SEL1L2: variants seen among roughly 807,000 people sequenced by gnomAD.
SEL1L2 encodes the protein protein sel-1 homolog 2.
A neutral mutation model predicts 98.8 loss-of-function variants in SEL1L2; 89 were observed. That is an observed-to-expected ratio of 0.90 (90% CI 0.76 to 1.07). The LOEUF (loss-of-function observed/expected upper bound fraction) is 1.07, where lower values mean the gene tolerates loss of function less well. Among genes scored for constraint, SEL1L2 ranks in the 50% least tolerant of loss-of-function variants. The pLI is 0.00. For missense variants in SEL1L2, 788 were observed against 812.0 expected (o/e 0.97, Z 0.36); for synonymous variants, 262 against 278.5 (o/e 0.94, Z 0.59).
At chr20:13,945,975 T>G (rs2049988782) in intron 2 of SEL1L2, among the ~76,000 whole-genome samples, 1 of 152,166 alleles carries the variant, frequency 6.6e-6, no homozygotes, top group Non-Finnish European at 1.5e-5. Context: ...AAGGGTTACA[T>G]ACTCCATGGT....
chr20:13,913,285 G>A (rs1163843726), intron 5 of SEL1L2, among the ~76,000 whole-genome samples: 2 of 152,200 alleles, frequency 1.3e-5, no homozygotes, highest in African/African-American at 4.8e-5. Flanking sequence ...ATTGCATTGT[G>A]ATTAGGATGA....
chr20:13,937,642 A>T (rs2049521872), intron 2 of SEL1L2, among the ~76,000 whole-genome samples: 1 of 152,224 alleles, frequency 6.6e-6, no homozygotes, highest in African/African-American at 2.4e-5. Context: ...ATTCTGCAAC[A>T]GTAGCTCACT....
Position 13,989,000 on chromosome 20 carries a change from C to T in SEL1L2, c.58+1477G>A, listed in dbSNP as rs190610293. Among the ~76,000 whole-genome samples the T allele has an allele frequency of 4.2e-4, 64 of 152,052 alleles. No homozygotes were observed. The East Asian group carries it at 0.01, about 24-fold the overall frequency. The stretch of plus-strand genomic sequence containing the variant: ...TGCACTCCAGCCTGGGCAACAAGAG[C>T]GAAACTCCATCTCAAAATAAATAAA... On this transcript the variant is annotated intron_variant, in intron 1 of 19. Transcript: ENST00000284951.
chr20:13,922,868 A>G (rs2048723666), intron 3 of SEL1L2, among the ~76,000 whole-genome samples: 1 of 152,178 alleles, frequency 6.6e-6, no homozygotes. Flanking sequence ...ATTTTGTGGT[A>G]AAACATATCC....
intron 2 of SEL1L2, among the ~76,000 whole-genome samples, chr20:13,944,141 T>C (rs935243915): frequency 6.6e-6 from 1 of 152,050 alleles, no homozygotes; most frequent in African/African-American, 2.4e-5. Context: ...GGCCCTGAGG[T>C]AGACAGACTT....
intron 1 of SEL1L2, among the ~76,000 whole-genome samples, chr20:13,985,717 A>G (rs922420892): frequency 5.3e-5 from 8 of 152,248 alleles, no homozygotes; most frequent in Admixed American, 3.3e-4. Context: ...GGCCTTTAGG[A>G]TATTCACAAA....
chr20:13,849,274 A>T lies in SEL1L2; in HGVS notation c.*211T>A. On this transcript the variant is annotated 3_prime_UTR_variant, in exon 20 of 20. Coordinates refer to ENST00000284951, the MANE Select transcript of SEL1L2 (RefSeq NM_025229.2). ...ATTGGTAACAAGGTCTTAGGTGACC[A>T]GTTCCCAGCATCCCGCAAAGGGTTT... The T allele has an allele frequency of 1.9e-6, 1 of 524,246 alleles. No individual in the cohort carries two copies. The highest frequency in any genetic ancestry group is 3.4e-6 in the Non-Finnish European group (1 of 298,052). The allele number at this position is 524,246 out of a possible 1,614,324, so 32.5% of individuals were successfully genotyped here. A position where few individuals can be genotyped will look rare whatever the true frequency, so the allele number is the denominator to read the frequency against.
At chr20:13,870,046 A>T in intron 13 of SEL1L2, 95 bp downstream of exon 13, 1 of 873,060 alleles carries the variant, frequency 1.1e-6, no homozygotes, top group South Asian at 1.6e-5. Flanking sequence ...GGCAAACCAG[A>T]TAATAGAGAT....
At chr20:13,888,550 A>ATTTATT (rs755773637) in intron 5 of SEL1L2, 38 bp from the exon 6 acceptor site, 1 of 1,151,510 alleles carries the variant, frequency 8.7e-7, no homozygotes, top group African/African-American at 1.6e-5. Flanking sequence ...TAATAAATCA[A>ATTTATT]TTTATTTCCT....
intron 5 of SEL1L2, among the ~76,000 whole-genome samples, chr20:13,911,414 C>T (rs1422276732): frequency 1.3e-5 from 2 of 152,268 alleles, no homozygotes; most frequent in Admixed American, 1.3e-4. Flanking sequence ...GTGAGGGTAA[C>T]ATTTGGTCTT....
At chr20:13,855,387 G>A (rs1254768187) in intron 18 of SEL1L2, among the ~76,000 whole-genome samples, 1 of 151,874 alleles carries the variant, frequency 6.6e-6, no homozygotes, top group East Asian at 1.9e-4. Context: ...ATGTTTGCTT[G>A]TTTGTATTTT....
chr20:13,911,652 T>C (rs1313807604), intron 5 of SEL1L2, among the ~76,000 whole-genome samples: 1 of 152,196 alleles, frequency 6.6e-6, no homozygotes, highest in Non-Finnish European at 1.5e-5. Context: ...TAAAATTATA[T>C]GGATTTTTAA....
At position 13,990,538 on chromosome 20, in the gene SEL1L2, C is replaced by T. The variant is rs771219116; in HGVS notation, c.-4G>A. ...TTAACAGAGACAAGGGCTTCATCTT[C>T]TCTTAAGCAGCTTCTCTTCACTGTA... On this transcript the variant is annotated 5_prime_UTR_variant, in exon 1 of 20. Coordinates refer to ENST00000284951, the MANE Select transcript of SEL1L2 (RefSeq NM_025229.2). 1 of 1,610,422 alleles carries T rather than the reference C, an allele frequency of 6.2e-7. No homozygotes were observed. Among genetic ancestry groups the T allele is most frequent in the Admixed American group, 1.7e-5 (1 of 59,750 alleles).
chr20:13,959,294 G>A (rs1270146357), intron 1 of SEL1L2, among the ~76,000 whole-genome samples: 1 of 152,162 alleles, frequency 6.6e-6, no homozygotes, highest in Non-Finnish European at 1.5e-5. Flanking sequence ...GTTGGACCAG[G>A]AAGAAGCTCC....
intron 5 of SEL1L2, among the ~76,000 whole-genome samples, chr20:13,910,066 C>T (rs1388923257): frequency 8.5e-5 from 13 of 152,158 alleles, no homozygotes; most frequent in Non-Finnish European, 1.6e-4. Context: ...CCTTTTGGGC[C>T]ATAAGTTTGT....
chr20:13,857,308 T>C (rs1331813734), intron 18 of SEL1L2, among the ~76,000 whole-genome samples: 1 of 151,770 alleles, frequency 6.6e-6, no homozygotes, highest in Non-Finnish European at 1.5e-5. Context: ...ACAAGAACCC[T>C]GGTAGAAAAG....
chr20:13,874,647 A>T (rs973825824), intron 12 of SEL1L2, among the ~76,000 whole-genome samples: 4 of 152,198 alleles, frequency 2.6e-5, no homozygotes, highest in Admixed American at 2.6e-4. Flanking sequence ...TACTTCAGAT[A>T]ACTGCCTTTC....
intron 5 of SEL1L2, among the ~76,000 whole-genome samples, chr20:13,905,557 G>T (rs549436800): frequency 2.0e-5 from 3 of 151,848 alleles, no homozygotes; most frequent in East Asian, 3.9e-4. Flanking sequence ...CTCATGATCC[G>T]CCCTCCTTGG....
intron 5 of SEL1L2, among the ~76,000 whole-genome samples, chr20:13,901,071 C>CTTTTTT (rs746353560): frequency 1.7e-4 from 22 of 133,318 alleles, no homozygotes; most frequent in South Asian, 7.5e-4. Flanking sequence ...TTCTTTCTTT[C>CTTTTTT]TTTCTTTTTT....
Sources: allele counts gnomAD v4.1 joint callset (sites outside exome capture counted in the v4.1 genomes callset), GRCh38; gene constraint gnomAD v4.1.1; transcripts MANE v1.5; gene names NCBI Gene and HGNC (gene_info 2026-07-23, HGNC 2026-07-21).